The following TCF4 variants were observed in gnomAD, a reference collection of about 807,000 sequenced individuals.
TCF4 encodes transcription factor 4, also known as SL3-3 enhancer factor 2.
In TCF4, 3 loss-of-function variants were observed where a neutral mutation model predicts 82.1. The observed-to-expected ratio is 0.04, with a 90% CI of 0.02 to 0.09. TCF4 has a LOEUF of 0.09. Among genes scored for constraint, TCF4 ranks in the 10% least tolerant of loss-of-function variants. The pLI is 1.00. For synonymous variants in TCF4, 276 were observed against 309.6 expected (o/e 0.89, Z 1.14); for missense variants, 518 against 852.7 (o/e 0.61, Z 4.89).
At chr18:55,585,134 C>A in intron 3 of TCF4, 146 bp downstream of exon 3, 1 of 733,834 alleles carries the variant, frequency 1.4e-6, no homozygotes, top group South Asian at 1.6e-5. Flanking sequence ...TAAGTTATAC[C>A]ACTGATGGGT....
At chr18:55,323,031 G>C (rs559031682) in intron 8 of TCF4, among the ~76,000 whole-genome samples, 2 of 152,236 alleles carry the variant, frequency 1.3e-5, no homozygotes, top group Non-Finnish European at 2.9e-5. Context: ...CTGAACAATA[G>C]AATCCTTATA....
intron 2 of TCF4, among the ~76,000 whole-genome samples, chr18:55,620,514 A>C (rs974654160): frequency 6.6e-6 from 1 of 152,078 alleles, no homozygotes; most frequent in Non-Finnish European, 1.5e-5. Flanking sequence ...GTTTCATTAC[A>C]TGTGTTCCTC....
At chr18:55,329,369 C>T (rs1034833960) in intron 8 of TCF4, among the ~76,000 whole-genome samples, 1 of 152,060 alleles carries the variant, frequency 6.6e-6, no homozygotes, top group African/African-American at 2.4e-5. Flanking sequence ...AACACAGACA[C>T]GACCAGGAAG....
In TCF4 at chr18:55,227,020, A is replaced by G. The variant is rs2046683452; in HGVS notation, c.*1015T>C. On this transcript the variant is annotated 3_prime_UTR_variant, in exon 20 of 20. Coordinates refer to ENST00000354452, the MANE Select transcript of TCF4 (RefSeq NM_001083962.2). ...ATAGGTTCACAAACGCAACATTACA[A>G]TTCAGACAAACTCTTTTTGCCATGT... 6.6e-6 allele frequency: 1 copy of G among 152,628 alleles called. No homozygotes were observed. The highest frequency in any genetic ancestry group is 2.1e-4 in the South Asian group (1 of 4,830). The allele number at this position is 152,628 out of a possible 1,614,324, so 9.5% of individuals were successfully genotyped here. A position where few individuals can be genotyped will look rare whatever the true frequency, so the allele number is the denominator to read the frequency against.
chr18:55,357,351 A>G (rs1243626856), intron 6 of TCF4, among the ~76,000 whole-genome samples: 1 of 152,204 alleles, frequency 6.6e-6, no homozygotes, highest in Non-Finnish European at 1.5e-5. Flanking sequence ...TACAGAATTT[A>G]AGAAAACTAT....
Position 55,222,235 on chromosome 18 carries a change from T to A in TCF4, c.*5800A>T, listed in dbSNP as rs1284742023. The A allele has an allele frequency of 6.6e-6, 1 of 152,174 alleles. No homozygotes were observed. Among genetic ancestry groups the A allele is most frequent in the Non-Finnish European group, 1.5e-5 (1 of 68,026 alleles). 9.4% of individuals were successfully genotyped at this position (152,174 alleles called of 1,614,324 possible). A position where few individuals can be genotyped will look rare whatever the true frequency, so the allele number is the denominator to read the frequency against. On this transcript the variant is annotated 3_prime_UTR_variant, in exon 20 of 20. Coordinates refer to ENST00000354452, the MANE Select transcript of TCF4 (RefSeq NM_001083962.2). ...GTCCTCTAAAAGAGAACAATGTTAA[T>A]AGACACTACACAAGATACTGTAGGG...
chr18:55,466,424 G>A (rs2096020855), intron 3 of TCF4, among the ~76,000 whole-genome samples: 1 of 152,046 alleles, frequency 6.6e-6, no homozygotes, highest in Admixed American at 6.6e-5. Flanking sequence ...TTGAGCCCAG[G>A]AGTTCAAGGT....
At chr18:55,585,870 C>G (rs1263603969) in intron 2 of TCF4, 1 of 1,183,568 alleles carries the variant, frequency 8.4e-7, no homozygotes, top group Non-Finnish European at 1.1e-6. Context: ...GACTCTCTCT[C>G]TCTCTCACTC....
intron 3 of TCF4, among the ~76,000 whole-genome samples, chr18:55,490,182 T>G (rs1034574893): frequency 2.0e-5 from 3 of 152,172 alleles, no homozygotes; most frequent in Non-Finnish European, 4.4e-5. Context: ...TTGTGTGAAG[T>G]CTTCATATCA....
chr18:55,280,120 CAGAG>C (rs2062270902), intron 8 of TCF4, among the ~76,000 whole-genome samples: 1 of 152,000 alleles, frequency 6.6e-6, no homozygotes, highest in Admixed American at 6.6e-5. Flanking sequence ...AGGGGGGAGA[CAGAG>C]AGAACACAAA....
At chr18:55,574,786 CAAAAA>C (rs542176078) in intron 3 of TCF4, among the ~76,000 whole-genome samples, 2 of 133,098 alleles carry the variant, frequency 1.5e-5, no homozygotes, top group Non-Finnish European at 3.3e-5. Context: ...TCTTGGCTCT[CAAAAA>C]AAAAAAAACT....
At chr18:55,243,335 C>T (rs1244962159) in intron 15 of TCF4, among the ~76,000 whole-genome samples, 1 of 152,106 alleles carries the variant, frequency 6.6e-6, no homozygotes, top group Non-Finnish European at 1.5e-5. Flanking sequence ...AATGGCTTTG[C>T]TACAAAGTGA....
chr18:55,589,161 T>G (rs1452312737), upstream of TCF4: 2 of 576,182 alleles, frequency 3.5e-6, no homozygotes, highest in African/African-American at 3.9e-5. Flanking sequence ...ATACACAAAA[T>G]GCATGCACAC....
chr18:55,287,021 A>G (rs990645735), intron 8 of TCF4, among the ~76,000 whole-genome samples: 3 of 152,222 alleles, frequency 2.0e-5, no homozygotes, highest in African/African-American at 7.2e-5. Context: ...AAGTGCCCCA[A>G]AACAATTCAT....
intron 5 of TCF4, among the ~76,000 whole-genome samples, chr18:55,421,791 T>C (rs2094768366): frequency 6.6e-6 from 1 of 152,184 alleles, no homozygotes; most frequent in African/African-American, 2.4e-5. Flanking sequence ...GATAGAACTT[T>C]CAGTTTAACT....
intron 3 of TCF4, among the ~76,000 whole-genome samples, chr18:55,578,201 C>T (rs983332526): frequency 6.6e-6 from 1 of 152,060 alleles, no homozygotes; most frequent in Non-Finnish European, 1.5e-5. Context: ...TGGATTACAA[C>T]GTCCATCTTT....
chr18:55,263,762 T>G (rs2058537433), intron 11 of TCF4, among the ~76,000 whole-genome samples: 1 of 152,020 alleles, frequency 6.6e-6, no homozygotes, highest in Admixed American at 6.6e-5. Flanking sequence ...ATATTTCTTT[T>G]CATTATTATA....
chr18:55,433,409 T>G (rs185199351), intron 5 of TCF4, among the ~76,000 whole-genome samples: 100 of 152,352 alleles, frequency 6.6e-4, no homozygotes, highest in African/African-American at 2.3e-3. Context: ...TCAATAAACA[T>G]GTATGGGCTT....
At chr18:55,353,559 G>C (rs1251533692) in intron 6 of TCF4, among the ~76,000 whole-genome samples, 1 of 152,008 alleles carries the variant, frequency 6.6e-6, no homozygotes, top group Non-Finnish European at 1.5e-5. Flanking sequence ...ACATTTAAGG[G>C]GGCCCTAAAC....
Sources: gnomAD v4.1 joint callset for allele counts (sites outside exome capture counted in the v4.1 genomes callset) on GRCh38, gnomAD v4.1.1 for gene constraint, MANE v1.5 for transcripts, NCBI Gene and HGNC (gene_info 2026-07-23, HGNC 2026-07-21) for gene names.